Variants in SPECC1 observed in about 807,000 individuals in gnomAD.
The protein encoded by SPECC1 is cytospin-B.
Under a neutral mutation model 104.1 loss-of-function variants are expected in SPECC1, and 62 were observed. The ratio of observed to expected loss-of-function variants is 0.60; its 90% CI spans 0.49 to 0.74. The LOEUF (loss-of-function observed/expected upper bound fraction) is 0.74, where lower values mean the gene tolerates loss of function less well. SPECC1 is among the 30% of genes least tolerant of loss of function. The pLI is 0.00. For missense variants in SPECC1, 1,306 were observed against 1,310.5 expected (o/e 1.00, Z 0.05); for synonymous variants, 513 against 501.6 (o/e 1.02, Z -0.30).
intron 3 of SPECC1, among the ~76,000 whole-genome samples, chr17:20,145,750 C>T (rs113151479): frequency 0.011 from 1,607 of 152,220 alleles, 27 homozygotes; most frequent in African/African-American, 0.037. Context: ...AAGAACAGGC[C>T]ACCTTCTCTC....
chr17:20,041,151 T>C (rs1348597317), intron 1 of SPECC1, among the ~76,000 whole-genome samples: 1 of 152,200 alleles, frequency 6.6e-6, no homozygotes, highest in Non-Finnish European at 1.5e-5. Flanking sequence ...AGTTCACTGA[T>C]TATTTTGTCT....
At chr17:20,136,290 G>C (rs1352182174) in intron 3 of SPECC1, among the ~76,000 whole-genome samples, 8 of 152,074 alleles carry the variant, frequency 5.3e-5, no homozygotes, top group African/African-American at 7.2e-5. Context: ...CAGGCATAGT[G>C]GCGCACGTCT....
intron 7 of SPECC1, among the ~76,000 whole-genome samples, chr17:20,244,385 C>A (rs771635984): frequency 6.6e-6 from 1 of 152,164 alleles, no homozygotes; most frequent in Non-Finnish European, 1.5e-5. Context: ...AGTATGAAAA[C>A]CAGTTCCTCT....
At chr17:20,179,594 A>G (rs1288412234) in intron 3 of SPECC1, among the ~76,000 whole-genome samples, 4 of 152,250 alleles carry the variant, frequency 2.6e-5, no homozygotes, top group Non-Finnish European at 4.4e-5. Flanking sequence ...CTAGGTAGTC[A>G]GAAAGAATGT....
chr17:20,091,358 T>TA (rs759012465), intron 1 of SPECC1, among the ~76,000 whole-genome samples: 1 of 152,174 alleles, frequency 6.6e-6, no homozygotes, highest in Non-Finnish European at 1.5e-5. Context: ...GCTAAGCAGA[T>TA]ATGTCATGTG....
chr17:20,226,848 G>A (rs1027032994), intron 4 of SPECC1, among the ~76,000 whole-genome samples: 2 of 152,292 alleles, frequency 1.3e-5, no homozygotes, highest in South Asian at 4.2e-4. Flanking sequence ...AAGCATTGCA[G>A]CCCCAAGTAT....
chr17:20,295,469 G>A (rs552572264), intron 12 of SPECC1, among the ~76,000 whole-genome samples: 13 of 152,116 alleles, frequency 8.5e-5, no homozygotes, highest in South Asian at 4.2e-4. Context: ...GATTAGTGCC[G>A]CAATAAACAT....
intron 2 of SPECC1, among the ~76,000 whole-genome samples, chr17:20,103,406 C>G (rs1021354673): frequency 6.6e-6 from 1 of 152,158 alleles, no homozygotes; most frequent in Non-Finnish European, 1.5e-5. Context: ...TAACTCTGAT[C>G]GGCAGGGCCT....
At chr17:20,191,511 ATACTT>A (rs2035669913) in intron 3 of SPECC1, among the ~76,000 whole-genome samples, 1 of 131,330 alleles carries the variant, frequency 7.6e-6, no homozygotes, top group East Asian at 2.1e-4. Context: ...TTTTTTAATT[ATACTT>A]TAAGTTCTGG....
At chr17:20,251,774 T>G (rs958711415) in intron 9 of SPECC1, among the ~76,000 whole-genome samples, 1 of 152,222 alleles carries the variant, frequency 6.6e-6, no homozygotes, top group African/African-American at 2.4e-5. Flanking sequence ...CTGGGCTGTG[T>G]TTTGATTGTT....
In SPECC1 at chr17:20,235,706, T is replaced by C. The variant is rs529008413; in HGVS notation, c.2351+3301T>C. Among the ~76,000 whole-genome samples, 7 of 152,362 alleles carry C rather than the reference T, an allele frequency of 4.6e-5. No homozygotes were observed. In the East Asian group the frequency reaches 9.6e-4, roughly 21 times the overall value. ...TTAGGGTGACTTATCTGATTCTTAC[T>C]GTGTCTGTCATATAACACCAATAAA... On this transcript the variant is annotated intron_variant, in intron 7 of 14. Coordinates refer to ENST00000395527, the MANE Select transcript of SPECC1 (RefSeq NM_001243439.2).
intron 4 of SPECC1, among the ~76,000 whole-genome samples, chr17:20,219,961 A>T (rs1038436900): frequency 6.6e-6 from 1 of 151,936 alleles, no homozygotes; most frequent in Non-Finnish European, 1.5e-5. Flanking sequence ...TGTTCTTGGC[A>T]CCTTTGTCGA....
intron 1 of SPECC1, among the ~76,000 whole-genome samples, chr17:20,072,905 G>T (rs538706362): frequency 4.6e-5 from 7 of 152,200 alleles, no homozygotes; most frequent in African/African-American, 1.2e-4. Context: ...CATTTCTTCG[G>T]TGTTTTTTTC....
chr17:20,072,192 G>T (rs1239887470), intron 1 of SPECC1, among the ~76,000 whole-genome samples: 1 of 152,194 alleles, frequency 6.6e-6, no homozygotes, highest in Non-Finnish European at 1.5e-5. Context: ...AATGATACCA[G>T]CTTAGGAGAG....
At chr17:20,260,857 C>T (rs2040000936) in intron 12 of SPECC1, among the ~76,000 whole-genome samples, 1 of 152,050 alleles carries the variant, frequency 6.6e-6, no homozygotes, top group Non-Finnish European at 1.5e-5. Flanking sequence ...GTCAGTTTAT[C>T]TGCTGGCGAC....
chr17:20,022,541 G>C (rs974799629), intron 1 of SPECC1, among the ~76,000 whole-genome samples: 6 of 152,162 alleles, frequency 3.9e-5, no homozygotes, highest in Non-Finnish European at 8.8e-5. Flanking sequence ...AACTTACTTA[G>C]TTTTACCTTT....
intron 1 of SPECC1, among the ~76,000 whole-genome samples, chr17:20,062,869 G>A (rs945040287): frequency 1.3e-5 from 2 of 151,874 alleles, no homozygotes; most frequent in Non-Finnish European, 2.9e-5. Context: ...TGTATTTTTA[G>A]TGGAGACAGG....
intron 3 of SPECC1, among the ~76,000 whole-genome samples, chr17:20,156,657 C>T (rs1325488361): frequency 6.6e-6 from 1 of 152,166 alleles, no homozygotes; most frequent in Non-Finnish European, 1.5e-5. Flanking sequence ...CTCTGCCCCT[C>T]ACACTCACGC....
intron 12 of SPECC1, among the ~76,000 whole-genome samples, chr17:20,271,208 C>T (rs2040394907): frequency 6.6e-6 from 1 of 151,972 alleles, no homozygotes; most frequent in African/African-American, 2.4e-5. Context: ...TTCAAGTCAC[C>T]TTGCTGATTT....
Sources: gnomAD v4.1 joint callset for allele counts (sites outside exome capture counted in the v4.1 genomes callset) on GRCh38, gnomAD v4.1.1 for gene constraint, MANE v1.5 for transcripts, NCBI Gene and HGNC (gene_info 2026-07-23, HGNC 2026-07-21) for gene names.